The following SYTL2 variants were observed in gnomAD, a reference collection of about 807,000 sequenced individuals.
SYTL2 encodes synaptotagmin like 2.
In SYTL2, 165 loss-of-function variants were observed where a neutral mutation model predicts 198.7. The ratio of observed to expected loss-of-function variants is 0.83; its 90% confidence interval spans 0.73 to 0.94. SYTL2 has a LOEUF of 0.94. Ranked by LOEUF, SYTL2 falls within the 40% of genes least tolerant of loss-of-function variation. SYTL2 has a pLI of 0.00. For missense variants in SYTL2, 2,835 were observed against 2,582.8 expected (o/e 1.10, Z -2.12); for synonymous variants, 966 against 917.7 (o/e 1.05, Z -0.95).
At chr11:85,737,544 A>G in intron 5 of SYTL2, 31 bp downstream of exon 5, 1 of 1,563,798 alleles carries the variant, frequency 6.4e-7, no homozygotes, top group African/African-American at 1.4e-5. Flanking sequence ...CCTAACAAAT[A>G]CAAGATTTTC....
intron 14 of SYTL2, among the ~76,000 whole-genome samples, 163 bp from the exon 15 acceptor site, chr11:85,707,694 T>C (rs1226619285): frequency 6.6e-6 from 1 of 152,188 alleles, no homozygotes; most frequent in Non-Finnish European, 1.5e-5. Flanking sequence ...TATACTTAAA[T>C]GTGTAAAGGG....
intron 1 of SYTL2, among the ~76,000 whole-genome samples, chr11:85,786,502 C>T (rs1393288510): frequency 1.3e-5 from 2 of 152,126 alleles, no homozygotes; most frequent in Non-Finnish European, 2.9e-5. Flanking sequence ...AAAGGGTACA[C>T]GGATCTCTGC....
At position 85,720,871 on chromosome 11, in the gene SYTL2, T is replaced by G. The variant is rs768976590; in HGVS notation, c.5415A>C (p.Ser1805=). ...CTTTATTCTCACTTGATGAATCTGATGAAATGTCTTCTAGACTTTTGGAAG... is the reference window on the plus strand; with the variant it reads ...CTTTATTCTCACTTGATGAATCTGAGGAAATGTCTTCTAGACTTTTGGAAG... ...KMPSKSLEDI[S]SDSSNQAKVD... is the part of the protein sequence containing the mutation. Residue 1805 remains serine (S), a synonymous_variant, in exon 9 of 20, where the codon TCA becomes TCC. Coordinates refer to ENST00000359152, the MANE Select transcript of SYTL2 (RefSeq NM_206927.4). The G allele has an allele frequency of 2.5e-6, 4 of 1,612,100 alleles. No homozygotes were observed. The highest frequency in any genetic ancestry group is 1.1e-5 in the South Asian group (1 of 91,046).
chr11:85,704,546 T>C (rs1048617099), intron 16 of SYTL2, among the ~76,000 whole-genome samples: 3 of 152,184 alleles, frequency 2.0e-5, no homozygotes, highest in Non-Finnish European at 2.9e-5. Context: ...CCTTTAATCA[T>C]TGAATACACT....
chr11:85,745,535 C>T, intron 4 of SYTL2, 102 bp downstream of exon 4: 1 of 1,350,202 alleles, frequency 7.4e-7, no homozygotes, highest in East Asian at 2.3e-5. Context: ...ATGCCCATGA[C>T]CCCAGTCTGG....
At chr11:85,784,914 GAATCACTAGTTACTCACACCA>G (rs938258833) in intron 1 of SYTL2, among the ~76,000 whole-genome samples, 8 of 152,028 alleles carry the variant, frequency 5.3e-5, no homozygotes, top group African/African-American at 1.9e-4. Flanking sequence ...TTCATCCTCG[GAATCACTAGTTACTCACACCA>G]CAGCCTGTGG....
At chr11:85,773,506 A>C (rs765639010) in intron 1 of SYTL2, among the ~76,000 whole-genome samples, 2 of 152,128 alleles carry the variant, frequency 1.3e-5, no homozygotes, top group Non-Finnish European at 2.9e-5. Context: ...GTGGAGTTAG[A>C]GTCTCCTCCT....
At chr11:85,777,812 C>CTTTTTTTTTTTTTTTT (rs57873368) in intron 1 of SYTL2, among the ~76,000 whole-genome samples, 8 of 63,330 alleles carry the variant, frequency 1.3e-4, no homozygotes, top group African/African-American at 4.6e-4. Context: ...GGTCTTACTT[C>CTTTTTTTTTTTTTTTT]TTTTTTTTTT....
chr11:85,719,036 C>A (rs1390472567), intron 9 of SYTL2, 193 bp from the exon 10 acceptor site: 2 of 1,520,660 alleles, frequency 1.3e-6, no homozygotes, highest in Admixed American at 4.0e-5. Flanking sequence ...GCGGGAGCTC[C>A]CATTTCAGCC....
intron 1 of SYTL2, among the ~76,000 whole-genome samples, chr11:85,777,895 A>T (rs910125951): frequency 2.3e-4 from 31 of 131,922 alleles, no homozygotes; most frequent in African/African-American, 8.5e-4. Flanking sequence ...ATCTCGGCTC[A>T]CTGCAACCTC....
At chr11:85,818,688 T>TCTATCTATCTATCTATCTAC in the SYTL2 span, among the ~76,000 whole-genome samples, 179 of 151,196 alleles carry the variant, frequency 1.2e-3, 1 homozygote, top group African/African-American at 3.4e-3. Context: ...TATCTATCTA[T>TCTATCTATCTATCTATCTAC]CTACCTATCT....
At chr11:85,832,697 A>G in the SYTL2 span, among the ~76,000 whole-genome samples, 1 of 152,080 alleles carries the variant, frequency 6.6e-6, no homozygotes, top group Non-Finnish European at 1.5e-5. Context: ...GAGTTGGTCT[A>G]TAGGTTTTTA....
the SYTL2 span, among the ~76,000 whole-genome samples, chr11:85,824,535 G>A: frequency 6.6e-6 from 1 of 152,152 alleles, no homozygotes; most frequent in Admixed American, 6.5e-5. Context: ...GGGGTAGAAT[G>A]GTTTGTATTG....
chr11:85,708,327 A>G (rs1480501956), intron 14 of SYTL2, among the ~76,000 whole-genome samples: 1 of 152,138 alleles, frequency 6.6e-6, no homozygotes, highest in African/African-American at 2.4e-5. Context: ...AGTTATCTTC[A>G]ATGTTAAAAA....
chr11:85,830,147 G>C, the SYTL2 span, among the ~76,000 whole-genome samples: 1 of 152,156 alleles, frequency 6.6e-6, no homozygotes, highest in African/African-American at 2.4e-5. Context: ...TGGAGGGCTT[G>C]GCACAGATTT....
the SYTL2 span, among the ~76,000 whole-genome samples, chr11:85,824,120 A>C: frequency 6.6e-6 from 1 of 152,174 alleles, no homozygotes; most frequent in African/African-American, 2.4e-5. Flanking sequence ...CACTGTTTTA[A>C]CTATGATGTG....
chr11:85,737,729 G>C lies in SYTL2; in HGVS notation c.390-73C>G, dbSNP rs1266349254. The C allele has an allele frequency of 4.7e-6, 6 of 1,276,964 alleles. No individual in the cohort carries two copies. The African/African-American group carries it at 7.4e-5, about 16-fold the overall frequency. The allele number at this position is 1,276,964 out of a possible 1,614,324, so 79.1% of individuals were successfully genotyped here. On this transcript the variant is annotated intron_variant, in intron 4 of 19. Transcript: ENST00000359152. ...AATCATAAATTATGCCTCTGAAGTG[G>C]AAAGCTATCAGCAGGCTAGGAGAGG...
chr11:85,754,108 T>C (rs1258658075), intron 2 of SYTL2, among the ~76,000 whole-genome samples: 1 of 152,196 alleles, frequency 6.6e-6, no homozygotes, highest in Non-Finnish European at 1.5e-5. Context: ...CTGATATAAT[T>C]ATATAATGTG....
chr11:85,775,644 G>A (rs2092439843), intron 1 of SYTL2, among the ~76,000 whole-genome samples: 1 of 152,104 alleles, frequency 6.6e-6, no homozygotes, highest in African/African-American at 2.4e-5. Context: ...GACCACGCCT[G>A]GCTAATTTTT....
Sources: allele counts gnomAD v4.1 joint callset (sites outside exome capture counted in the v4.1 genomes callset), GRCh38; gene constraint gnomAD v4.1.1; transcripts MANE v1.5; gene names NCBI Gene and HGNC (gene_info 2026-07-23, HGNC 2026-07-21).